SORBS2: variants seen among roughly 807,000 people sequenced by gnomAD.
SORBS2 encodes sorbin and SH3 domain-containing protein 2.
In SORBS2, 46 loss-of-function variants were observed where a neutral mutation model predicts 97.7. That is an observed-to-expected ratio of 0.47 (90% CI 0.37 to 0.60). SORBS2 has a LOEUF of 0.60. Among genes scored for constraint, SORBS2 ranks in the 20% least tolerant of loss-of-function variants. The pLI is 0.00. For synonymous variants in SORBS2, 476 were observed against 473.4 expected, an observed-to-expected ratio of 1.01 and a Z score of -0.07; for missense variants, 1,316 against 1,282.3, an observed-to-expected ratio of 1.03 and a Z score of -0.40.
At position 185,649,581 on chromosome 4, in the gene SORBS2, CT is replaced by C; in HGVS notation, c.166del (p.Ser56AlafsTer85). 1 of 1,604,350 alleles carries C rather than the reference CT, an allele frequency of 6.2e-7. No homozygotes were observed. ...GGCATTGGGGCTGTTGTCGGAGTGG[CT>C]TTTGGAAAGAGGTCTGTAGGTTTGG... On this transcript the variant is annotated frameshift_variant, in exon 3 of 15. Coordinates refer to ENST00000418609, the Ensembl canonical transcript of SORBS2. LOFTEE classifies it high-confidence loss of function.
intron 4 of SORBS2, among the ~76,000 whole-genome samples, chr4:185,664,582 G>A (rs2153477789): frequency 6.6e-6 from 1 of 152,308 alleles, no homozygotes; most frequent in East Asian, 1.9e-4. Context: ...ACTCGCTATG[G>A]GGTTAGGCCT....
At chr4:185,680,681 G>A (rs1364073873) in intron 2 of SORBS2, among the ~76,000 whole-genome samples, 1 of 152,180 alleles carries the variant, frequency 6.6e-6, no homozygotes, top group African/African-American at 2.4e-5. Flanking sequence ...AGAAGGCTGT[G>A]TGTTAGCGCT....
At chr4:185,703,140 T>C (rs2098289662) in intron 2 of SORBS2, among the ~76,000 whole-genome samples, 1 of 152,236 alleles carries the variant, frequency 6.6e-6, no homozygotes, top group South Asian at 2.1e-4. Context: ...GTTTATATAT[T>C]ACATGTCTTT....
intron 2 of SORBS2, among the ~76,000 whole-genome samples, chr4:185,716,094 T>G (rs945827550): frequency 6.6e-6 from 1 of 152,234 alleles, no homozygotes; most frequent in Non-Finnish European, 1.5e-5. Flanking sequence ...AAGTATTTCA[T>G]AACGAAGGCT....
intron 12 of SORBS2, among the ~76,000 whole-genome samples, chr4:185,598,569 CAAAT>C (rs1255347044): frequency 6.6e-6 from 1 of 152,072 alleles, no homozygotes; most frequent in East Asian, 1.9e-4. Flanking sequence ...TATTTAGTAT[CAAAT>C]AATTCTTAAA....
At position 185,868,155 on chromosome 4, in the gene SORBS2, CTTTCTT is replaced by C. The variant is rs1352755730; in HGVS notation, c.-338+88035_-338+88040del. 1.6e-3 allele frequency among the ~76,000 whole-genome samples: 159 copies of C among 100,758 alleles called. 12 individuals are homozygous for C. Among genetic ancestry groups the C allele is most frequent in the Non-Finnish European group, 2.6e-3 (139 of 53,306 alleles). The allele number at this position is 100,758 out of a possible 152,430, so 66.1% of individuals were successfully genotyped here. A position where few individuals can be genotyped will look rare whatever the true frequency, so the allele number is the denominator to read the frequency against. On this transcript the variant is annotated intron_variant, in intron 1 of 20. Transcript: ENST00000284776. ...CCTTTCTCTTTTCTTTTCTTTTTTT[CTTTCTT>C]TTTTTTTTTTTTTGAGGCAGAGTCT...
chr4:185,768,517 T>C (rs1295952399), intron 2 of SORBS2, among the ~76,000 whole-genome samples: 2 of 151,908 alleles, frequency 1.3e-5, no homozygotes, highest in Non-Finnish European at 2.9e-5. Context: ...CTGGGCAACA[T>C]GGCAAAACCC....
chr4:185,745,089 C>T (rs1402671199), intron 2 of SORBS2, among the ~76,000 whole-genome samples: 4 of 152,182 alleles, frequency 2.6e-5, no homozygotes, highest in Non-Finnish European at 5.9e-5. Context: ...CTGTGTGATG[C>T]AGGTGGCTTG....
In SORBS2 at chr4:185,799,967, G is replaced by A. The variant is rs1585037585; in HGVS notation, c.-337-24601C>T. 2.6e-5 allele frequency among the ~76,000 whole-genome samples: 4 copies of A among 152,274 alleles called. No individual in the cohort carries two copies. The South Asian group carries it at 6.2e-4, about 24-fold the overall frequency. On this transcript the variant is annotated intron_variant, in intron 1 of 20. Coordinates refer to the SORBS2 transcript ENST00000284776. The stretch of plus-strand genomic sequence containing the variant: ...AATCCCATCACTTTGGGAGGCTGAG[G>A]CAGACGGATCACTTAAGGCCAGGAG...
chr4:185,729,370 GA>G, intron 2 of SORBS2, among the ~76,000 whole-genome samples: 1 of 152,206 alleles, frequency 6.6e-6, no homozygotes, highest in East Asian at 1.9e-4. Context: ...GCCCTGTAAG[GA>G]ACTATAGACA....
exon 1 of SORBS2, chr4:185,656,643 T>TC: frequency 1.9e-6 from 3 of 1,551,216 alleles, no homozygotes; most frequent in Non-Finnish European, 2.6e-6. Context: ...TTTCATCCTG[T>TC]CCCCGGCTTC....
rs543827930 is a variant in SORBS2, at chr4:185,823,685, A to T, written c.-337-48319T>A. ...AGAAGATGGAGACTTGTTTTATGAAACTTCTCAATTTCCACGAGACAGGAA... is the reference window on the plus strand; with the variant it reads ...AGAAGATGGAGACTTGTTTTATGAATCTTCTCAATTTCCACGAGACAGGAA... On this transcript the variant is annotated intron_variant, in intron 1 of 20. Coordinates refer to the SORBS2 transcript ENST00000284776. Among the ~76,000 whole-genome samples the T allele has an allele frequency of 6.6e-5, 10 of 152,272 alleles. No individual in the cohort carries two copies. In the South Asian group the frequency reaches 2.1e-3, roughly 32 times the overall value.
chr4:185,840,402 C>A (rs937639935), intron 1 of SORBS2, among the ~76,000 whole-genome samples: 3 of 152,130 alleles, frequency 2.0e-5, no homozygotes, highest in African/African-American at 7.2e-5. Flanking sequence ...TCTTGTGTGG[C>A]CGACTGCTCC....
At chr4:185,690,422 A>G (rs55889604) in intron 2 of SORBS2, 140 bp downstream of exon 4, 109,802 of 461,680 alleles carry the variant, frequency 0.24, 14,851 homozygotes, top group Non-Finnish European at 0.27. Context: ...AAAGAAAGAA[A>G]GTAATGAATC....
intron 1 of SORBS2, among the ~76,000 whole-genome samples, chr4:185,862,796 C>A (rs1441415610): frequency 6.6e-6 from 1 of 152,208 alleles, no homozygotes; most frequent in Non-Finnish European, 1.5e-5. Context: ...CTTGTTTCCC[C>A]TCCACTGAGG....
exon 15 of SORBS2, chr4:185,586,778 T>A (rs1190614467): frequency 6.6e-6 from 1 of 152,632 alleles, no homozygotes; most frequent in Non-Finnish European, 1.5e-5. Context: ...TTTTTTCAGA[T>A]AAATAAAACA....
chr4:185,711,287 G>A (rs2098418605), intron 2 of SORBS2, among the ~76,000 whole-genome samples: 1 of 152,090 alleles, frequency 6.6e-6, no homozygotes. Flanking sequence ...CACTATGCCT[G>A]GCCCTGACAT....
chr4:185,696,752 C>A (rs1582943939), intron 2 of SORBS2, among the ~76,000 whole-genome samples: 1 of 152,160 alleles, frequency 6.6e-6, no homozygotes, highest in Admixed American at 6.5e-5. Flanking sequence ...ACCCTACTTT[C>A]ATGGAGTTCC....
chr4:185,731,330 A>C (rs76257605), intron 2 of SORBS2, among the ~76,000 whole-genome samples: 2,923 of 152,274 alleles, frequency 0.019, 97 homozygotes, highest in African/African-American at 0.067. Context: ...CTACTTGCCA[A>C]AATATTTATA....
Sources: allele counts gnomAD v4.1 joint callset (sites outside exome capture counted in the v4.1 genomes callset), GRCh38; gene constraint gnomAD v4.1.1; transcripts MANE v1.5; gene names NCBI Gene and HGNC (gene_info 2026-07-23, HGNC 2026-07-21).